Variants in MRPS27 observed in about 807,000 individuals in gnomAD.
The protein encoded by MRPS27 is mitochondrial ribosomal protein S27, also known as small ribosomal subunit protein mS27.
Under a neutral mutation model 48.9 loss-of-function variants are expected in MRPS27, and 43 were observed. The observed-to-expected ratio is 0.88, with a 90% CI of 0.69 to 1.13. The LOEUF (loss-of-function observed/expected upper bound fraction) is 1.13, where lower values mean the gene tolerates loss of function less well. MRPS27 is among the 50% of genes most tolerant of loss of function. MRPS27 has a pLI of 0.00. For missense variants in MRPS27, 467 were observed against 476.3 expected, an observed-to-expected ratio of 0.98 and a Z score of 0.18; for synonymous variants, 188 against 171.9, an observed-to-expected ratio of 1.09 and a Z score of -0.73.
chr5:72,286,866 A>G (rs1749684890), intron 4 of MRPS27, among the ~76,000 whole-genome samples: 1 of 152,148 alleles, frequency 6.6e-6, no homozygotes, highest in African/African-American at 2.4e-5. Context: ...TCATAGACCT[A>G]ATTATAAAAC....
rs932378579 is a variant in MRPS27 at position 72,238,116 on chromosome 5, G to A, written c.294C>T (p.Ser98=). 3 of 1,612,974 alleles carry A rather than the reference G, an allele frequency of 1.9e-6. No individual in the cohort carries two copies. The African/African-American group carries it at 4.0e-5, about 22-fold the overall frequency. Reference sequence around the variant, plus strand: ...AGTTTCTCAGGTACCAGCAGTTGGGGCTGTGTCGAAACCTAAATAAGCACA... The same window carrying A: ...AGTTTCTCAGGTACCAGCAGTTGGGACTGTGTCGAAACCTAAATAAGCACA... ...AEYYLYKFRH[S]PNCWYLRNWT... The change falls in exon 5 of 11, where the codon AGC becomes AGT. Residue 98 remains serine (S), a synonymous_variant. Transcript: ENST00000261413.
At chr5:72,309,358 C>T (rs1435551233) in intron 2 of MRPS27, among the ~76,000 whole-genome samples, 6 of 151,890 alleles carry the variant, frequency 4.0e-5, no homozygotes, top group Non-Finnish European at 7.4e-5. Flanking sequence ...CTCTGCCTCC[C>T]GGGTTCGAGC....
intron 3 of MRPS27, among the ~76,000 whole-genome samples, chr5:72,296,482 C>T (rs1225654792): frequency 6.6e-6 from 1 of 152,162 alleles, no homozygotes; most frequent in Non-Finnish European, 1.5e-5. Context: ...GTTGCTCCAT[C>T]TGCATAAATA....
chr5:72,310,409 G>A (rs1046786222), intron 2 of MRPS27, among the ~76,000 whole-genome samples: 2 of 152,054 alleles, frequency 1.3e-5, no homozygotes, highest in Admixed American at 6.6e-5. Context: ...AAAAGAGGGG[G>A]GTGGGGGAAA....
chr5:72,289,912 A>T (rs550209765), intron 4 of MRPS27, among the ~76,000 whole-genome samples: 3 of 152,192 alleles, frequency 2.0e-5, no homozygotes, highest in African/African-American at 7.2e-5. Context: ...TCGAAGGCCT[A>T]TGTAAGCCTT....
chr5:72,302,937 AACT>A (rs1330700252), intron 2 of MRPS27, among the ~76,000 whole-genome samples: 3 of 152,206 alleles, frequency 2.0e-5, no homozygotes, highest in Non-Finnish European at 4.4e-5. Context: ...GAAGATTATA[AACT>A]ACAAGTCAGC....
intron 5 of MRPS27, among the ~76,000 whole-genome samples, chr5:72,236,102 A>C (rs1220596333): frequency 6.6e-6 from 1 of 152,148 alleles, no homozygotes; most frequent in Non-Finnish European, 1.5e-5. Flanking sequence ...CCTAAAAGGG[A>C]AAGAAACTAA....
chr5:72,281,045 C>T (rs1749520800), intron 4 of MRPS27, among the ~76,000 whole-genome samples: 1 of 152,242 alleles, frequency 6.6e-6, no homozygotes, highest in Non-Finnish European at 1.5e-5. Flanking sequence ...CATTCCTGAG[C>T]CTTGATGGCC....
At chr5:72,276,544 CAT>C (rs1749378182) in intron 4 of MRPS27, among the ~76,000 whole-genome samples, 2 of 152,142 alleles carry the variant, frequency 1.3e-5, no homozygotes, top group Admixed American at 1.3e-4. Flanking sequence ...GCAATTGCAA[CAT>C]AAACAGAAAA....
chr5:72,319,023 T>C (rs566963705), intron 1 of MRPS27, among the ~76,000 whole-genome samples: 2 of 152,322 alleles, frequency 1.3e-5, no homozygotes, highest in African/African-American at 4.8e-5. Flanking sequence ...AGGTTTCACA[T>C]TGACGTTTAA....
chr5:72,274,285 C>CAGAG (rs1430760315), intron 4 of MRPS27, among the ~76,000 whole-genome samples: 1 of 152,196 alleles, frequency 6.6e-6, no homozygotes, highest in Non-Finnish European at 1.5e-5. Context: ...ACCCAAGAGG[C>CAGAG]AGAGGTTGCA....
chr5:72,226,633 C>T (rs1213759991), intron 8 of MRPS27, among the ~76,000 whole-genome samples: 2 of 152,100 alleles, frequency 1.3e-5, no homozygotes, highest in South Asian at 2.1e-4. Context: ...TGTCAACATC[C>T]GACAACTTTC....
intron 3 of MRPS27, among the ~76,000 whole-genome samples, chr5:72,297,411 T>C (rs183332905): frequency 1.3e-5 from 2 of 152,320 alleles, no homozygotes; most frequent in Admixed American, 1.3e-4. Context: ...ACAAAACTGA[T>C]TACTGATATC....
chr5:72,301,550 G>T (rs1473774551), intron 2 of MRPS27, among the ~76,000 whole-genome samples: 4 of 152,172 alleles, frequency 2.6e-5, no homozygotes, highest in Non-Finnish European at 4.4e-5. Context: ...TTCTTTGTGG[G>T]TTTCACATCA....
intron 4 of MRPS27, among the ~76,000 whole-genome samples, chr5:72,267,562 T>G (rs1207620661): frequency 6.6e-6 from 1 of 152,240 alleles, no homozygotes; most frequent in Non-Finnish European, 1.5e-5. Flanking sequence ...AATTTGCTCA[T>G]AGACTTCATT....
chr5:72,225,263 A>G (rs907984421), intron 9 of MRPS27, among the ~76,000 whole-genome samples: 4 of 152,212 alleles, frequency 2.6e-5, no homozygotes, highest in Non-Finnish European at 4.4e-5. Flanking sequence ...TGACCACCTC[A>G]GGACTGAAAT....
chr5:72,238,332 C>G (rs750549102), intron 4 of MRPS27, among the ~76,000 whole-genome samples: 12 of 136,546 alleles, frequency 8.8e-5, no homozygotes, highest in Non-Finnish European at 1.8e-4. Flanking sequence ...TAATAAATAA[C>G]AAAAAATTTT....
intron 4 of MRPS27, among the ~76,000 whole-genome samples, chr5:72,251,427 G>A (rs1011075307): frequency 6.6e-6 from 1 of 152,176 alleles, no homozygotes; most frequent in Non-Finnish European, 1.5e-5. Context: ...ACAGAAAAAG[G>A]TCTAGGAAGG....
At chr5:72,265,927 A>G (rs891182221) in intron 4 of MRPS27, among the ~76,000 whole-genome samples, 1 of 152,254 alleles carries the variant, frequency 6.6e-6, no homozygotes, top group Admixed American at 6.5e-5. Flanking sequence ...TTAGTTCACT[A>G]AAATGAAAGC....
Sources: gnomAD v4.1 joint callset for allele counts (sites outside exome capture counted in the v4.1 genomes callset) on GRCh38, gnomAD v4.1.1 for gene constraint, MANE v1.5 for transcripts, NCBI Gene and HGNC (gene_info 2026-07-23, HGNC 2026-07-21) for gene names.